The following ERC2 variants were observed in gnomAD, a reference collection of about 807,000 sequenced individuals.
ERC2 encodes ELKS/RAB6-interacting/CAST family member 2, also known as ERC protein 2.
Under a neutral mutation model 114.8 loss-of-function variants are expected in ERC2, and 42 were observed. The ratio of observed to expected loss-of-function variants is 0.37; its 90% CI spans 0.29 to 0.47. ERC2 has a LOEUF of 0.47. Among genes scored for constraint, ERC2 ranks in the 20% least tolerant of loss-of-function variants. ERC2 has a pLI of 0.99. For synonymous variants in ERC2, 454 were observed against 425.5 expected, an observed-to-expected ratio of 1.07 and a Z score of -0.82; for missense variants, 939 against 1,150.7, an observed-to-expected ratio of 0.82 and a Z score of 2.66.
intron 4 of ERC2, among the ~76,000 whole-genome samples, chr3:56,161,324 C>T (rs1037704710): frequency 3.3e-5 from 5 of 152,158 alleles, no homozygotes; most frequent in Admixed American, 6.6e-5. Flanking sequence ...TACCCAGCCT[C>T]AGGTATTACT....
At chr3:56,263,818 T>C (rs2053106494) in intron 3 of ERC2, among the ~76,000 whole-genome samples, 3 of 152,128 alleles carry the variant, frequency 2.0e-5, no homozygotes, top group Non-Finnish European at 4.4e-5. Context: ...TATAAGACCA[T>C]GATTATCATG....
intron 6 of ERC2, among the ~76,000 whole-genome samples, chr3:56,113,619 T>A (rs1424689415): frequency 6.6e-6 from 1 of 152,224 alleles, no homozygotes; most frequent in African/African-American, 2.4e-5. Flanking sequence ...GAAGCAAGTC[T>A]CCAATTCTTT....
chr3:55,925,832 G>A (rs1015916948), intron 13 of ERC2, among the ~76,000 whole-genome samples: 4 of 152,122 alleles, frequency 2.6e-5, no homozygotes, highest in Non-Finnish European at 4.4e-5. Flanking sequence ...TACTGTACAC[G>A]GTAGTATTTC....
At chr3:56,428,114 C>G (rs1292659501) in intron 2 of ERC2, among the ~76,000 whole-genome samples, 1 of 152,112 alleles carries the variant, frequency 6.6e-6, no homozygotes, top group Non-Finnish European at 1.5e-5. Context: ...TGAGTTCCAC[C>G]CACAAACCTG....
intron 3 of ERC2, among the ~76,000 whole-genome samples, chr3:56,276,967 G>A (rs1460369120): frequency 2.0e-5 from 3 of 152,130 alleles, no homozygotes; most frequent in Non-Finnish European, 2.9e-5. Context: ...GTATATCAGG[G>A]CCCGAGGCCA....
At chr3:55,516,514 A>G (rs1000686988) in intron 17 of ERC2, among the ~76,000 whole-genome samples, 8 of 151,960 alleles carry the variant, frequency 5.3e-5, no homozygotes, top group African/African-American at 1.9e-4. Context: ...AATAAAATGT[A>G]ACACTTCAGA....
intron 3 of ERC2, among the ~76,000 whole-genome samples, chr3:56,176,848 C>T (rs2150033329): frequency 6.6e-6 from 1 of 152,294 alleles, no homozygotes; most frequent in South Asian, 2.1e-4. Context: ...GGCCCCACAA[C>T]CACTACCTAG....
At chr3:56,365,783 G>A (rs1022289455) in intron 2 of ERC2, among the ~76,000 whole-genome samples, 4 of 152,120 alleles carry the variant, frequency 2.6e-5, no homozygotes, top group South Asian at 2.1e-4. Context: ...ATGCACTTGG[G>A]ACAAAGCCTG....
chr3:56,375,308 A>C (rs2059498050), intron 2 of ERC2, among the ~76,000 whole-genome samples: 1 of 152,212 alleles, frequency 6.6e-6, no homozygotes, highest in African/African-American at 2.4e-5. Context: ...CCAAAACATC[A>C]GTTCTGAATA....
chr3:55,681,001 A>G (rs1046330011), intron 17 of ERC2, among the ~76,000 whole-genome samples: 4 of 152,170 alleles, frequency 2.6e-5, no homozygotes, highest in African/African-American at 9.7e-5. Flanking sequence ...AGCCCTTCCA[A>G]GTGTAGGGCC....
Position 56,386,145 on chromosome 3 carries a change from G to A in ERC2, c.657+48206C>T, listed in dbSNP as rs189250025. Among the ~76,000 whole-genome samples the A allele has an allele frequency of 3.2e-4, 49 of 152,252 alleles. No homozygotes were observed. The East Asian group carries it at 7.2e-3, about 22-fold the overall frequency. On this transcript the variant is annotated intron_variant, in intron 2 of 17. Transcript: ENST00000288221. ...TAAAAATTAGAGATCCAGTGGCAAGGATTAGGAAAACACTTAAGCAAAGCT... is the reference window on the plus strand; with the variant it reads ...TAAAAATTAGAGATCCAGTGGCAAGAATTAGGAAAACACTTAAGCAAAGCT...
At chr3:56,192,909 C>T (rs377686065) in intron 3 of ERC2, among the ~76,000 whole-genome samples, 1 of 152,252 alleles carries the variant, frequency 6.6e-6, no homozygotes, top group South Asian at 2.1e-4. Context: ...TCCATAAGGT[C>T]TCCCACTAAG....
At chr3:55,798,893 A>G (rs1332439631) in intron 14 of ERC2, among the ~76,000 whole-genome samples, 1 of 152,254 alleles carries the variant, frequency 6.6e-6, no homozygotes, top group Non-Finnish European at 1.5e-5. Context: ...TAAACCAAGA[A>G]CATTATTTTT....
chr3:56,356,656 T>G (rs2058755333), intron 2 of ERC2, among the ~76,000 whole-genome samples: 1 of 152,192 alleles, frequency 6.6e-6, no homozygotes, highest in Admixed American at 6.5e-5. Context: ...TACCCAGATT[T>G]TACGCATTCT....
chr3:56,048,313 G>A (rs1239323137), intron 7 of ERC2, among the ~76,000 whole-genome samples: 1 of 152,146 alleles, frequency 6.6e-6, no homozygotes, highest in Non-Finnish European at 1.5e-5. Context: ...CTATGATTTG[G>A]TGACAATGAT....
At chr3:55,669,820 G>A (rs1302715438) in intron 17 of ERC2, among the ~76,000 whole-genome samples, 1 of 152,204 alleles carries the variant, frequency 6.6e-6, no homozygotes, top group Non-Finnish European at 1.5e-5. Context: ...TCCCTTGGCC[G>A]TGTGTGCCAA....
chr3:55,523,691 C>T (rs1389063818), intron 17 of ERC2, among the ~76,000 whole-genome samples: 3 of 152,214 alleles, frequency 2.0e-5, no homozygotes, highest in East Asian at 1.9e-4. Flanking sequence ...GTGTGTCTTG[C>T]TCACTGAAGT....
intron 1 of ERC2, among the ~76,000 whole-genome samples, chr3:56,444,193 G>A (rs1342290653): frequency 2.0e-5 from 3 of 149,800 alleles, no homozygotes; most frequent in Non-Finnish European, 4.4e-5. Flanking sequence ...GGATGGTCTC[G>A]ATCTCCTGAC....
intron 2 of ERC2, among the ~76,000 whole-genome samples, chr3:56,318,882 G>C (rs1362562160): frequency 6.7e-6 from 1 of 149,522 alleles, no homozygotes; most frequent in East Asian, 2.0e-4. Context: ...AGGTTTGCTT[G>C]AGCCTAGGAG....
Sources: gnomAD v4.1 joint callset for allele counts (sites outside exome capture counted in the v4.1 genomes callset) on GRCh38, gnomAD v4.1.1 for gene constraint, MANE v1.5 for transcripts, NCBI Gene and HGNC (gene_info 2026-07-23, HGNC 2026-07-21) for gene names.